The following SETD3 variants were observed in gnomAD, a reference collection of about 807,000 sequenced individuals.
The protein encoded by SETD3 is SET domain containing 3, actin N3(tau)-histidine methyltransferase.
Under a neutral mutation model 63.0 loss-of-function variants are expected in SETD3, and 19 were observed. The ratio of observed to expected loss-of-function variants is 0.30; its 90% CI spans 0.21 to 0.44. The LOEUF is 0.44. Among genes scored for constraint, SETD3 ranks in the 20% least tolerant of loss-of-function variants. The pLI, the probability that SETD3 is intolerant of heterozygous loss-of-function variation, is 1.00. For missense variants in SETD3, 587 were observed against 728.5 expected (o/e 0.81, Z 2.24); for synonymous variants, 286 against 264.1 (o/e 1.08, Z -0.80).
rs371227244 is a variant in SETD3 at position 99,467,842 on chromosome 14, C to T, written c.-8-2029G>A. 2.4e-4 allele frequency among the ~76,000 whole-genome samples: 37 copies of T among 152,274 alleles called. 1 individual carries two copies. The highest frequency in any genetic ancestry group is 5.1e-4 in the African/African-American group (21 of 41,560). On this transcript the variant is annotated intron_variant, in intron 1 of 12. Transcript: ENST00000331768. ...CAACAGCTACAAAACAGGCTCTATTCGCTCTGCCTGCAGCCCCTCACCTCC... is the reference window on the plus strand; with the variant it reads ...CAACAGCTACAAAACAGGCTCTATTTGCTCTGCCTGCAGCCCCTCACCTCC...
chr14:99,405,940 T>C (rs1891656105), intron 9 of SETD3, among the ~76,000 whole-genome samples: 1 of 152,214 alleles, frequency 6.6e-6, no homozygotes, highest in African/African-American at 2.4e-5. Context: ...AACTGGAATG[T>C]CAATTATGGA....
chr14:99,481,097 C>T (rs1383594662), upstream of SETD3: 1 of 242,964 alleles, frequency 4.1e-6, no homozygotes, highest in East Asian at 7.6e-5. Context: ...TGCGTTCGCC[C>T]CCGCCAGAGC....
intron 6 of SETD3, among the ~76,000 whole-genome samples, chr14:99,434,747 T>C (rs893724456): frequency 1.4e-5 from 2 of 143,894 alleles, no homozygotes; most frequent in African/African-American, 2.6e-5. Context: ...CTCGGGAGGC[T>C]AAGGAAGGAG....
intron 1 of SETD3, among the ~76,000 whole-genome samples, chr14:99,478,343 C>G (rs1452183102): frequency 6.6e-6 from 1 of 152,208 alleles, no homozygotes; most frequent in African/African-American, 2.4e-5. Flanking sequence ...ACTTGAAACT[C>G]TTCCTCTCCA....
chr14:99,467,730 G>A (rs954059533), intron 1 of SETD3, among the ~76,000 whole-genome samples: 1 of 152,160 alleles, frequency 6.6e-6, no homozygotes, highest in Non-Finnish European at 1.5e-5. Flanking sequence ...TCACTTTGAT[G>A]AGGAGCTCCA....
intron 5 of SETD3, 123 bp downstream of exon 5, chr14:99,458,990 C>T (rs1894921514): frequency 6.5e-6 from 4 of 618,324 alleles, no homozygotes; most frequent in Non-Finnish European, 5.7e-6. Flanking sequence ...ACACTTAATG[C>T]ATATTTGAGG....
chr14:99,466,757 T>G (rs953694170), intron 1 of SETD3, among the ~76,000 whole-genome samples: 4 of 152,066 alleles, frequency 2.6e-5, no homozygotes, highest in Admixed American at 1.3e-4. Flanking sequence ...TGATAGTCAC[T>G]GCCAGAGGAG....
intron 7 of SETD3, 34 bp downstream of exon 7, chr14:99,413,842 T>G: frequency 6.2e-7 from 1 of 1,608,432 alleles, no homozygotes; most frequent in Non-Finnish European, 8.5e-7. Context: ...GAAACCACCC[T>G]CAATACACAG....
intron 11 of SETD3, among the ~76,000 whole-genome samples, chr14:99,401,962 C>A (rs1005727271): frequency 5.9e-5 from 9 of 151,840 alleles, no homozygotes; most frequent in Non-Finnish European, 1.2e-4. Context: ...TAGCATGTGG[C>A]CTGCCTGCAG....
chr14:99,434,357 G>A (rs1160150402), intron 6 of SETD3, among the ~76,000 whole-genome samples: 1 of 152,156 alleles, frequency 6.6e-6, no homozygotes, highest in Non-Finnish European at 1.5e-5. Flanking sequence ...AGCACCCAAA[G>A]GCCTTAGAAT....
intron 6 of SETD3, among the ~76,000 whole-genome samples, chr14:99,426,940 C>T (rs1892914033): frequency 6.6e-6 from 1 of 152,132 alleles, no homozygotes; most frequent in Admixed American, 6.5e-5. Flanking sequence ...CTTCTGCCTC[C>T]CCCACACTGC....
intron 6 of SETD3, among the ~76,000 whole-genome samples, chr14:99,451,526 C>T (rs118096908): frequency 7.5e-4 from 114 of 152,000 alleles, no homozygotes; most frequent in Non-Finnish European, 1.4e-3. Flanking sequence ...GACAGGGTAT[C>T]GCTCTGTCGC....
chr14:99,422,172 A>G (rs1892629448), intron 6 of SETD3, among the ~76,000 whole-genome samples: 1 of 152,242 alleles, frequency 6.6e-6, no homozygotes. Flanking sequence ...ATGCACATGA[A>G]GAAGTTTGGA....
At chr14:99,442,845 A>C in intron 6 of SETD3, among the ~76,000 whole-genome samples, 1 of 152,176 alleles carries the variant, frequency 6.6e-6, no homozygotes. Context: ...GCTGTTCAAG[A>C]GTCAAATGTA....
intron 4 of SETD3, among the ~76,000 whole-genome samples, chr14:99,459,752 G>A (rs1227034873): frequency 6.6e-6 from 1 of 152,122 alleles, no homozygotes; most frequent in Non-Finnish European, 1.5e-5. Flanking sequence ...TGGCAATACA[G>A]GCTGCTTCCT....
intron 8 of SETD3, among the ~76,000 whole-genome samples, chr14:99,407,873 T>G (rs1185742064): frequency 1.3e-5 from 2 of 152,186 alleles, no homozygotes; most frequent in Non-Finnish European, 2.9e-5. Flanking sequence ...ACACAGAACC[T>G]AAAACCTGAA....
At chr14:99,412,141 T>C (rs1212627950) in intron 8 of SETD3, 1 of 152,282 alleles carries the variant, frequency 6.6e-6, no homozygotes, top group East Asian at 1.9e-4. Context: ...TTCAAAATGA[T>C]CTGAAATGTA....
At chr14:99,420,051 A>C (rs180767866) in intron 6 of SETD3, among the ~76,000 whole-genome samples, 4 of 152,354 alleles carry the variant, frequency 2.6e-5, no homozygotes, top group Non-Finnish European at 4.4e-5. Flanking sequence ...GTGAAGACAG[A>C]TAAGTGACCA....
chr14:99,438,243 T>A (rs755231003), intron 6 of SETD3, among the ~76,000 whole-genome samples: 4 of 152,340 alleles, frequency 2.6e-5, no homozygotes, highest in African/African-American at 9.6e-5. Context: ...ACGGTTAAGG[T>A]TGGGTGAGCA....
Sources: gnomAD v4.1 joint callset for allele counts (sites outside exome capture counted in the v4.1 genomes callset) on GRCh38, gnomAD v4.1.1 for gene constraint, MANE v1.5 for transcripts, NCBI Gene and HGNC (gene_info 2026-07-23, HGNC 2026-07-21) for gene names.